Variants in ARMC10 observed in about 807,000 individuals in gnomAD.
The protein encoded by ARMC10 is armadillo repeat containing 10.
In ARMC10, 23 loss-of-function variants were observed where a neutral mutation model predicts 30.2. The ratio of observed to expected loss-of-function variants is 0.76; its 90% CI spans 0.55 to 1.08. ARMC10 has a LOEUF of 1.08. ARMC10 is among the 50% of genes least tolerant of loss of function. The pLI, the probability that ARMC10 is intolerant of heterozygous loss-of-function variation, is 0.00. For missense variants in ARMC10, 303 were observed against 413.7 expected, an observed-to-expected ratio of 0.73 and a Z score of 2.32; for synonymous variants, 111 against 164.4, an observed-to-expected ratio of 0.68 and a Z score of 2.48.
intron 4 of ARMC10, among the ~76,000 whole-genome samples, chr7:103,089,924 G>T (rs976775440): frequency 6.6e-6 from 1 of 152,240 alleles, no homozygotes; most frequent in African/African-American, 2.4e-5. Flanking sequence ...GATAAGGCAA[G>T]TCCTTAAATA....
chr7:103,097,301 A>T lies in ARMC10; in HGVS notation c.730A>T (p.Asn244Tyr), dbSNP rs1243032973. 6.2e-7 allele frequency: 1 copy of T among 1,613,916 alleles called. No homozygotes were observed. Among genetic ancestry groups the T allele is most frequent in the Admixed American group, 1.7e-5 (1 of 60,008 alleles). ...TKVQVLKLLL[N>Y]LSENPAMTEG... ...GGTGCAAGTTTTGAAACTGCTTTTGAATTTGTCTGAAAATCCAGCCATGAC... is the reference window on the plus strand; with the variant it reads ...GGTGCAAGTTTTGAAACTGCTTTTGTATTTGTCTGAAAATCCAGCCATGAC... The change falls in exon 6 of 7, where the codon AAT (asparagine) becomes TAT (tyrosine). Residue 244 changes from asparagine to tyrosine, a missense_variant. This residue lies in a region of ARMC10 where 170 missense variants were observed against 207.2 expected (regional missense o/e 0.82). Transcript: ENST00000323716.
rs375510365 is a variant in ARMC10 at position 103,097,279 on chromosome 7, G to C, written c.708G>C (p.Val236=). The change falls in exon 6 of 7, where the codon GTG becomes GTC. Residue 236 remains valine (V), a splice_region_variant and synonymous_variant. Transcript: ENST00000323716. ...AAGCCAGTATCATCTTCTTTCAGGT[G>C]CAAGTTTTGAAACTGCTTTTGAATT... ...VLLTGNGNTK[V]QVLKLLLNLS... The C allele has an allele frequency of 9.3e-6, 15 of 1,613,348 alleles. No individual in the cohort carries two copies. The African/African-American group carries it at 1.9e-4, about 20-fold the overall frequency.
chr7:103,087,853 TC>T, intron 4 of ARMC10: 1 of 872,710 alleles, frequency 1.1e-6, no homozygotes, highest in Non-Finnish European at 1.4e-6. Flanking sequence ...AATTTAATTT[TC>T]TACAGAATTA....
intron 3 of ARMC10, among the ~76,000 whole-genome samples, chr7:103,086,135 G>A (rs1472511975): frequency 6.6e-6 from 1 of 152,014 alleles, no homozygotes; most frequent in Non-Finnish European, 1.5e-5. Flanking sequence ...GATAACCATG[G>A]GAAACCACCC....
intron 2 of ARMC10, 41 bp from the exon 3 acceptor site, chr7:103,083,641 T>C (rs184713591): frequency 3.3e-5 from 52 of 1,564,302 alleles, no homozygotes; most frequent in Non-Finnish European, 4.0e-5. Flanking sequence ...TAACCTCGTA[T>C]TGATTTTAGC....
chr7:103,097,463 T>C, intron 6 of ARMC10, 115 bp downstream of exon 6: 1 of 652,388 alleles, frequency 1.5e-6, no homozygotes, highest in Non-Finnish European at 2.4e-6. Context: ...TGAGGAGCAG[T>C]ATTAAAGGTG....
chr7:103,079,943 A>C lies in ARMC10; in HGVS notation c.245-3739A>C, dbSNP rs557024400. ...TGTGTTCCCAGTTGGAAAGATTCTG[A>C]ACCATGACAGTTATCTTGAAATTTG... On this transcript the variant is annotated intron_variant, in intron 2 of 6. Coordinates refer to ENST00000323716, the MANE Select transcript of ARMC10 (RefSeq NM_031905.5). Among the ~76,000 whole-genome samples, 215 of 152,358 alleles carry C rather than the reference A, an allele frequency of 1.4e-3. 1 individual carries two copies. The highest frequency in any genetic ancestry group is 4.9e-3 in the African/African-American group (203 of 41,586).
chr7:103,092,581 C>T lies in ARMC10; in HGVS notation c.633C>T (p.Asp211=). ...TGACAAACATGACTGTTACCAATGACCACCAGCACATGCTTCACAGTTACA... is the reference window on the plus strand; with the variant it reads ...TGACAAACATGACTGTTACCAATGATCACCAGCACATGCTTCACAGTTACA... ...TLLTNMTVTN[D]HQHMLHSYIT... The change falls in exon 5 of 7, where the codon GAC becomes GAT. Residue 211 remains aspartate, a synonymous_variant. Transcript: ENST00000323716. 6.2e-7 allele frequency: 1 copy of T among 1,609,388 alleles called. No individual in the cohort carries two copies. Among genetic ancestry groups the T allele is most frequent in the Non-Finnish European group, 8.5e-7 (1 of 1,176,266 alleles).
Position 103,098,617 on chromosome 7 carries a change from A to G in ARMC10, c.*64A>G, listed in dbSNP as rs1412033269. The stretch of plus-strand genomic sequence containing the variant: ...TAAACGTATTTTCTGTCTTCCTTAT[A>G]AGGGGATTCTCCCAGCTGCTAAATT... On this transcript the variant is annotated 3_prime_UTR_variant, in exon 7 of 7. Transcript: ENST00000323716. The G allele has an allele frequency of 1.0e-5, 15 of 1,496,412 alleles. No homozygotes were observed. Among genetic ancestry groups the G allele is most frequent in the Admixed American group, 2.4e-5 (1 of 42,252 alleles). 92.7% of individuals were successfully genotyped at this position (1,496,412 alleles called of 1,614,324 possible).
Position 103,083,587 on chromosome 7 carries a change from C to T in ARMC10, c.245-95C>T, listed in dbSNP as rs145402465. ...GTTGTAGTGAGCCATGATTGTGCCA[C>T]CGCACACCAGCCTGGGTGACAGAGT... On this transcript the variant is annotated intron_variant, in intron 2 of 6. Transcript: ENST00000323716. 1,852 of 1,130,552 alleles carry T rather than the reference C, an allele frequency of 1.6e-3. 2 individuals are homozygous for T. The highest frequency in any genetic ancestry group is 2.2e-3 in the Non-Finnish European group (1,767 of 786,426). 70.0% of individuals were successfully genotyped at this position (1,130,552 alleles called of 1,614,324 possible).
At chr7:103,087,673 C>G in intron 4 of ARMC10, 1 of 669,868 alleles carries the variant, frequency 1.5e-6, no homozygotes. Context: ...AAGAAAAAAA[C>G]AACAAATAAC....
Position 103,086,604 on chromosome 7 carries a change from CTTTTTT to C in ARMC10, c.394-16_394-11del. The C allele has an allele frequency of 6.8e-7, 1 of 1,471,238 alleles. No homozygotes were observed. The highest frequency in any genetic ancestry group is 9.1e-7 in the Non-Finnish European group (1 of 1,095,706). 91.1% of individuals were successfully genotyped at this position (1,471,238 alleles called of 1,614,324 possible). A position where few individuals can be genotyped will look rare whatever the true frequency, so the allele number is the denominator to read the frequency against. On this transcript the variant is annotated intron_variant, in intron 3 of 6. Transcript: ENST00000323716. Reference sequence around the variant, plus strand: ...GATGCATACTGAAGTCCCAGTCCTGCTTTTTTTTTTTTTTTCCCCTCGTAGGCTATT... The same window carrying C: ...GATGCATACTGAAGTCCCAGTCCTGCTTTTTTTTTCCCCTCGTAGGCTATT...
intron 3 of ARMC10, among the ~76,000 whole-genome samples, chr7:103,084,879 G>A (rs772561791): frequency 4.6e-5 from 7 of 152,078 alleles, no homozygotes; most frequent in Non-Finnish European, 8.8e-5. Context: ...ATCAATCTCC[G>A]GGGCAATTTC....
At chr7:103,091,417 A>G (rs1355769951) in intron 4 of ARMC10, among the ~76,000 whole-genome samples, 5 of 152,192 alleles carry the variant, frequency 3.3e-5, no homozygotes, top group Admixed American at 2.0e-4. Flanking sequence ...TGTGTCATGT[A>G]TGATACAAGA....
At position 103,092,483 on chromosome 7, in the gene ARMC10, A is replaced by C. The variant is rs1173255152; in HGVS notation, c.535A>C (p.Ile179Leu). 8 of 1,577,194 alleles carry C rather than the reference A, an allele frequency of 5.1e-6. No homozygotes were observed. The highest frequency in any genetic ancestry group is 6.9e-6 in the Non-Finnish European group (8 of 1,152,064). The part of the protein sequence containing the change: ...VENQIKIKIY[I>L]SQVCEDVFSG... ...TTTCCTCCCCTGCCTTCAGATATAC[A>C]TCAGTCAAGTATGTGAGGATGTCTT... Residue 179 changes from isoleucine (I) to leucine (L), a missense_variant, in exon 5 of 7, where the codon ATC becomes CTC. This residue lies in a region of ARMC10 where 170 missense variants were observed against 207.2 expected (regional missense o/e 0.82). Transcript: ENST00000323716.
In ARMC10 at chr7:103,083,882, G is replaced by T. The variant is rs2129521568; in HGVS notation, c.393+52G>T. 3 of 1,590,354 alleles carry T rather than the reference G, an allele frequency of 1.9e-6. No individual in the cohort carries two copies. The East Asian group carries it at 6.7e-5, about 36-fold the overall frequency. ...CTCTTTCCATTCTTACACACTAGCG[G>T]TAATTGTGACCCTGAATAAATTACT... On this transcript the variant is annotated intron_variant, in intron 3 of 6. Transcript: ENST00000323716.
rs369209750 is a variant in ARMC10 at position 103,086,604 on chromosome 7, CTT to C, written c.394-12_394-11del. ...GATGCATACTGAAGTCCCAGTCCTG[CTT>C]TTTTTTTTTTTTTCCCCTCGTAGGC... On this transcript the variant is annotated intron_variant, in intron 3 of 6. Transcript: ENST00000323716. 14,129 of 1,400,610 alleles carry C rather than the reference CTT, an allele frequency of 0.01. No homozygotes were observed. Among genetic ancestry groups the C allele is most frequent in the East Asian group, 0.02 (774 of 39,378 alleles). 86.8% of individuals were successfully genotyped at this position (1,400,610 alleles called of 1,614,324 possible). A position where few individuals can be genotyped will look rare whatever the true frequency, so the allele number is the denominator to read the frequency against.
At chr7:103,095,885 G>C (rs1291994613) in intron 5 of ARMC10, 2 of 148,188 alleles carry the variant, frequency 1.3e-5, no homozygotes, top group East Asian at 4.1e-4. Context: ...ATTGAACAAT[G>C]AGAACACATG....
In ARMC10 at chr7:103,081,775, C is replaced by T. The variant is rs368108143; in HGVS notation, c.245-1907C>T. 3.1e-5 allele frequency: 12 copies of T among 386,508 alleles called. No individual in the cohort carries two copies. In the East Asian group the frequency reaches 5.1e-4, roughly 17 times the overall value. The allele number at this position is 386,508 out of a possible 1,614,324, so 23.9% of individuals were successfully genotyped here. A position where few individuals can be genotyped will look rare whatever the true frequency, so the allele number is the denominator to read the frequency against. On this transcript the variant is annotated intron_variant, in intron 2 of 6. Transcript: ENST00000323716. ...TTAAATTTATCACATTTCTGCCATGCATGTGCACGTGTATGTATGCATGTG... is the reference window on the plus strand; with the variant it reads ...TTAAATTTATCACATTTCTGCCATGTATGTGCACGTGTATGTATGCATGTG...
Sources: allele counts gnomAD v4.1 joint callset (sites outside exome capture counted in the v4.1 genomes callset), GRCh38; gene constraint gnomAD v4.1.1; regional missense constraint gnomAD v4.1.1; transcripts MANE v1.5; gene names NCBI Gene and HGNC (gene_info 2026-07-23, HGNC 2026-07-21).